CPE: variants seen among roughly 807,000 people sequenced by gnomAD.
CPE encodes carboxypeptidase E, also known as carbocypeptidase E.
In CPE, 17 loss-of-function variants were observed where a neutral mutation model predicts 53.5. The ratio of observed to expected loss-of-function variants is 0.32; its 90% CI spans 0.22 to 0.48. The LOEUF (loss-of-function observed/expected upper bound fraction) is 0.48. Ranked by LOEUF, CPE falls within the 20% of genes least tolerant of loss-of-function variation. The pLI, the probability that CPE is intolerant of heterozygous loss-of-function variation, is 0.99. For missense variants in CPE, 524 were observed against 614.7 expected (o/e 0.85, Z 1.56); for synonymous variants, 226 against 228.8 (o/e 0.99, Z 0.11).
chr4:165,448,503 T>C (rs1217128433), intron 1 of CPE, among the ~76,000 whole-genome samples: 2 of 152,180 alleles, frequency 1.3e-5, no homozygotes, highest in Admixed American at 6.5e-5. Context: ...CTGCATCATC[T>C]TCTGTGTGGG....
intron 6 of CPE, among the ~76,000 whole-genome samples, chr4:165,492,739 G>C (rs1732629582): frequency 6.6e-6 from 1 of 152,292 alleles, no homozygotes; most frequent in African/African-American, 2.4e-5. Flanking sequence ...GTAATCTATA[G>C]ATAACATAAC....
At chr4:165,412,823 A>G (rs1731062766) in intron 1 of CPE, among the ~76,000 whole-genome samples, 1 of 152,232 alleles carries the variant, frequency 6.6e-6, no homozygotes, top group Non-Finnish European at 1.5e-5. Context: ...TCACCTCTTC[A>G]ATGCTTCAGT....
At chr4:165,426,855 G>A (rs1221079041) in intron 1 of CPE, among the ~76,000 whole-genome samples, 1 of 152,234 alleles carries the variant, frequency 6.6e-6, no homozygotes, top group Admixed American at 6.5e-5. Flanking sequence ...CACAAAGGGT[G>A]AGGTTGGAGC....
chr4:165,479,976 AG>A (rs1732374756), intron 3 of CPE, among the ~76,000 whole-genome samples: 1 of 146,614 alleles, frequency 6.8e-6, no homozygotes, highest in African/African-American at 2.5e-5. Flanking sequence ...TGGGTGACAG[AG>A]TGAGACTCCG....
At chr4:165,424,897 C>T (rs542174960) in intron 1 of CPE, among the ~76,000 whole-genome samples, 1 of 81,960 alleles carries the variant, frequency 1.2e-5, no homozygotes, top group South Asian at 3.8e-4. Flanking sequence ...TTTTTTGAGA[C>T]AGAGTCTAGC....
intron 5 of CPE, among the ~76,000 whole-genome samples, chr4:165,485,428 T>C (rs1424659447): frequency 6.6e-6 from 1 of 152,198 alleles, no homozygotes; most frequent in Non-Finnish European, 1.5e-5. Flanking sequence ...TGTTGAATTA[T>C]GTGCTGAGAA....
At position 165,481,018 on chromosome 4, in the gene CPE, T is replaced by A. The variant is rs866749243; in HGVS notation, c.673-1224T>A. Among the ~76,000 whole-genome samples the A allele has an allele frequency of 3.2e-3, 369 of 115,248 alleles. 1 individual carries two copies. Among genetic ancestry groups the A allele is most frequent in the African/African-American group, 0.012 (315 of 26,006 alleles). The allele number at this position is 115,248 out of a possible 152,430, so 75.6% of individuals were successfully genotyped here. A position where few individuals can be genotyped will look rare whatever the true frequency, so the allele number is the denominator to read the frequency against. On this transcript the variant is annotated intron_variant, in intron 3 of 8. Transcript: ENST00000402744. ...TGGATATATATATATATATATATAT[T>A]TTTTTTTTTTTTTTTAGCAAAAATA...
chr4:165,493,066 G>T lies in CPE; in HGVS notation c.1114-105G>T, dbSNP rs923651042. The T allele has an allele frequency of 1.8e-5, 12 of 682,832 alleles. No homozygotes were observed. In the African/African-American group the frequency reaches 1.8e-4, roughly 10 times the overall value. The allele number at this position is 682,832 out of a possible 1,614,324, so 42.3% of individuals were successfully genotyped here. ...GATTCTTAAACAATGGGGGTCTACG[G>T]TATTTGCTGGAAAATAAAGAGATGC... On this transcript the variant is annotated intron_variant, in intron 6 of 8. Coordinates refer to ENST00000402744, the MANE Select transcript of CPE (RefSeq NM_001873.4).
chr4:165,454,626 A>T (rs1249288316), intron 1 of CPE, among the ~76,000 whole-genome samples: 4 of 152,048 alleles, frequency 2.6e-5, no homozygotes, highest in African/African-American at 9.7e-5. Context: ...CATTACTTTT[A>T]CTCATTGTCT....
intron 1 of CPE, among the ~76,000 whole-genome samples, chr4:165,427,954 C>T (rs1731349042): frequency 2.0e-5 from 3 of 152,168 alleles, no homozygotes; most frequent in Admixed American, 2.0e-4. Flanking sequence ...GTGAAATGGA[C>T]ACTATCTTTA....
At chr4:165,436,002 T>A (rs768717538) in intron 1 of CPE, among the ~76,000 whole-genome samples, 5 of 152,144 alleles carry the variant, frequency 3.3e-5, no homozygotes, top group Non-Finnish European at 7.4e-5. Context: ...TTCCTACCTC[T>A]GGGCTGATTC....
intron 1 of CPE, among the ~76,000 whole-genome samples, chr4:165,452,972 TTTTC>T (rs1292006303): frequency 3.9e-5 from 6 of 152,096 alleles, no homozygotes; most frequent in Non-Finnish European, 8.8e-5. Flanking sequence ...GTCAGCACAA[TTTTC>T]TTTCTTTCTT....
At chr4:165,442,779 A>G (rs1731637897) in intron 1 of CPE, among the ~76,000 whole-genome samples, 1 of 152,080 alleles carries the variant, frequency 6.6e-6, no homozygotes, top group Admixed American at 6.5e-5. Context: ...CAATCCTTTT[A>G]TTTTCTGGTG....
At chr4:165,459,954 A>G (rs7654527) in intron 1 of CPE, among the ~76,000 whole-genome samples, 50,036 of 148,352 alleles carry the variant, frequency 0.34, 9,298 homozygotes, top group Middle Eastern at 0.45. Flanking sequence ...GAATTAGTGA[A>G]GAAAGTAAGA....
intron 1 of CPE, among the ~76,000 whole-genome samples, chr4:165,426,607 A>G (rs1478786006): frequency 1.3e-5 from 2 of 152,202 alleles, no homozygotes; most frequent in Non-Finnish European, 2.9e-5. Flanking sequence ...GCTGCCTCCA[A>G]TTATTTTAGA....
Position 165,484,499 on chromosome 4 carries a change from C to T in CPE, c.868C>T (p.Pro290Ser). 1.2e-6 allele frequency: 2 copies of T among 1,614,122 alleles called. No homozygotes were observed. The highest frequency in any genetic ancestry group is 1.1e-5 in the South Asian group (1 of 91,080). ...SLARAYSSFN[P>S]AMSDPNRPPC... ...GGCCCGGGCATACTCTTCTTTCAACCCGGCCATGTCTGACCCCAATCGGCC... is the reference window on the plus strand; with the variant it reads ...GGCCCGGGCATACTCTTCTTTCAACTCGGCCATGTCTGACCCCAATCGGCC... The change falls in exon 5 of 9, where the codon CCG becomes TCG. Residue 290 changes from proline (P) to serine (S), a missense_variant. Transcript: ENST00000402744.
At chr4:165,476,160 G>A (rs1732295618) in intron 3 of CPE, among the ~76,000 whole-genome samples, 1 of 152,182 alleles carries the variant, frequency 6.6e-6, no homozygotes, top group African/African-American at 2.4e-5. Flanking sequence ...CAGTGAAAGT[G>A]TATTAAAAAG....
chr4:165,483,485 T>G (rs1732455222), intron 4 of CPE, among the ~76,000 whole-genome samples: 1 of 152,232 alleles, frequency 6.6e-6, no homozygotes, highest in Non-Finnish European at 1.5e-5. Flanking sequence ...TAATAATTTC[T>G]TTTCCTTTGG....
At chr4:165,479,262 T>C (rs996132828) in intron 3 of CPE, among the ~76,000 whole-genome samples, 2 of 152,188 alleles carry the variant, frequency 1.3e-5, no homozygotes, top group African/African-American at 4.8e-5. Flanking sequence ...TTAGTTATTT[T>C]TAGGTTGATT....
Sources: gnomAD v4.1 joint callset for allele counts (sites outside exome capture counted in the v4.1 genomes callset) on GRCh38, gnomAD v4.1.1 for gene constraint, MANE v1.5 for transcripts, NCBI Gene and HGNC (gene_info 2026-07-23, HGNC 2026-07-21) for gene names.